The following INPP5J variants were observed in gnomAD, a reference collection of about 807,000 sequenced individuals.
INPP5J encodes the protein phosphatidylinositol 4,5-bisphosphate 5-phosphatase A.
Under a neutral mutation model 86.6 loss-of-function variants are expected in INPP5J, and 75 were observed. The observed-to-expected ratio is 0.87, with a 90% confidence interval of 0.72 to 1.05. The LOEUF is 1.05. INPP5J is among the 50% of genes least tolerant of loss of function. INPP5J has a pLI of 0.00. For missense variants in INPP5J, 1,229 were observed against 1,341.2 expected, an observed-to-expected ratio of 0.92 and a Z score of 1.31; for synonymous variants, 540 against 550.0, an observed-to-expected ratio of 0.98 and a Z score of 0.25.
chr22:31,126,462 G>A lies in INPP5J; in HGVS notation c.1358G>A (p.Ser453Asn). Reference protein sequence around the residue: ...SLLHLGGGDDSDGADMIAIGL... With the variant: ...SLLHLGGGDDNDGADMIAIGL... ...CTCCACCTGGGCGGTGGTGACGACAGCGACGGCGCAGACATGATCGCCATA... is the reference window on the plus strand; with the variant it reads ...CTCCACCTGGGCGGTGGTGACGACAACGACGGCGCAGACATGATCGCCATA... Residue 453 changes from serine to asparagine, a missense_variant, in exon 3 of 13, where the codon AGC becomes AAC. Transcript: ENST00000331075. The A allele has an allele frequency of 1.9e-6, 3 of 1,613,756 alleles. No individual in the cohort carries two copies. Among genetic ancestry groups the A allele is most frequent in the Non-Finnish European group, 2.5e-6 (3 of 1,179,826 alleles).
Position 31,127,004 on chromosome 22 carries a change from C to T in INPP5J, c.1578C>T (p.Thr526=), listed in dbSNP as rs760494303. ...YHLPFLRDVQ[T]DCTRTGLGGY... is the part of the protein sequence containing the mutation. ...TGCCCTTCCTGCGAGACGTGCAGAC[C>T]GACTGCACGCGCACTGGCCTGGGCG... Residue 526 remains threonine (T), a synonymous_variant, in exon 5 of 13, where the codon ACC becomes ACT. Transcript: ENST00000331075. 8.2e-5 allele frequency: 132 copies of T among 1,606,352 alleles called. 1 individual carries two copies. The highest frequency in any genetic ancestry group is 1.6e-4 in the Middle Eastern group (1 of 6,074).
chr22:31,125,295 A>G lies in INPP5J; in HGVS notation c.556A>G (p.Ser186Gly). 1 of 1,550,546 alleles carries G rather than the reference A, an allele frequency of 6.4e-7. No individual in the cohort carries two copies. Among genetic ancestry groups the G allele is most frequent in the Non-Finnish European group, 8.7e-7 (1 of 1,146,982 alleles). ...PKPTLAASGL[S>G]LALASEEQPP... Reference sequence around the variant, plus strand: ...GCCAACACTGGCAGCCTCTGGCCTGAGCCTGGCCCTGGCTTCTGAGGAGCA... The same window carrying G: ...GCCAACACTGGCAGCCTCTGGCCTGGGCCTGGCCCTGGCTTCTGAGGAGCA... Residue 186 changes from serine (S) to glycine (G), a missense_variant, in exon 2 of 13, where the codon AGC (serine) becomes GGC (glycine). By Grantham distance (56) the Ser-to-Gly change is moderately conservative. Transcript: ENST00000331075.
Position 31,126,642 on chromosome 22 carries a change from A to AGCG in INPP5J, c.1416_1418dup (p.Arg473dup), listed in dbSNP as rs1256084731. 1 of 1,613,882 alleles carries AGCG rather than the reference A, an allele frequency of 6.2e-7. No homozygotes were observed. The highest frequency in any genetic ancestry group is 1.7e-5 in the Admixed American group (1 of 60,016). ...CAGGAAGTGAACTCCATGCTCAACA[A>AGCG]GCGACTCAAGGACGCCCTCTTCACG... On this transcript the variant is annotated inframe_insertion, in exon 4 of 13. Transcript: ENST00000331075.
rs1376537115 is a variant in INPP5J at position 31,125,844 on chromosome 22, G to T, written c.1105G>T (p.Ala369Ser). 1.5e-5 allele frequency: 24 copies of T among 1,609,244 alleles called. No homozygotes were observed. Among genetic ancestry groups the T allele is most frequent in the Non-Finnish European group, 2.0e-5 (23 of 1,177,552 alleles). The change falls in exon 2 of 13, where the codon GCC (alanine) becomes TCC (serine). Residue 369 changes from alanine to serine, a missense_variant. Physicochemically the swap from Ala to Ser is moderately conservative, Grantham distance 99 (BLOSUM62 1). Transcript: ENST00000331075. ...SPCVPPAPDM[A>S]LPRLGTQSTG... is the part of the protein sequence containing the mutation. ...CTGTGTTCCCCCAGCCCCTGACATG[G>T]CCCTCCCAAGGCTTGGCACACAGAG...
At chr22:31,128,144 GC>G in intron 7 of INPP5J, 69 bp from the exon 8 acceptor site, 1 of 1,437,860 alleles carries the variant, frequency 7.0e-7, no homozygotes, top group Non-Finnish European at 9.7e-7. Context: ...GTCCTCACCT[GC>G]CCCACCCCCT....
At chr22:31,129,088 C>G (rs1483548564) in intron 9 of INPP5J, among the ~76,000 whole-genome samples, 1 of 151,164 alleles carries the variant, frequency 6.6e-6, no homozygotes, top group African/African-American at 2.4e-5. Context: ...CCCGCCACCA[C>G]GCCAGGCTAA....
intron 1 of INPP5J, 83 bp downstream of exon 1, chr22:31,123,202 G>T: frequency 1.2e-6 from 1 of 848,818 alleles, no homozygotes; most frequent in Non-Finnish European, 1.7e-6. Context: ...CAGGCTCCCT[G>T]GTGCTCCTGA....
upstream of INPP5J, chr22:31,122,765 AG>A: frequency 4.7e-6 from 2 of 426,274 alleles, no homozygotes; most frequent in Non-Finnish European, 8.2e-6. Context: ...TCCTGCTGCC[AG>A]TTGGGACCTG....
chr22:31,134,133 G>T lies in INPP5J; in HGVS notation c.2735G>T (p.Ser912Ile), dbSNP rs1216853013. 6.4e-7 allele frequency: 1 copy of T among 1,550,398 alleles called. No individual in the cohort carries two copies. Among genetic ancestry groups the T allele is most frequent in the Admixed American group, 2.0e-5 (1 of 51,014 alleles). Reference sequence around the variant, plus strand: ...CGTGAACGCCGTGGTGCCAGCCGTAGCCCCTCACCCCAGAGCCGCCGCCTG... The same window carrying T: ...CGTGAACGCCGTGGTGCCAGCCGTATCCCCTCACCCCAGAGCCGCCGCCTG... ...SSRERRGASRSPSPQSRRLSR... is the reference protein window; with the variant it reads ...SSRERRGASRIPSPQSRRLSR... Residue 912 changes from serine (S) to isoleucine (I), a missense_variant, in exon 13 of 13, where the codon AGC (serine) becomes ATC (isoleucine). Ser to Ile is a moderately radical substitution (Grantham distance 142, BLOSUM62 -2). Coordinates refer to ENST00000331075, the MANE Select transcript of INPP5J (RefSeq NM_001284285.2).
rs1326785568 is a variant in INPP5J, at chr22:31,125,016, G to A, written c.277G>A (p.Glu93Lys). 6.4e-7 allele frequency: 1 copy of A among 1,561,910 alleles called. No individual in the cohort carries two copies. The highest frequency in any genetic ancestry group is 2.4e-5 in the East Asian group (1 of 41,526). ...RPILAPLCTP[E>K]GQKTATAHRS... ...AATCCTGGCTCCACTGTGTACCCCT[G>A]AAGGGCAGAAAACAGCTACTGCCCA... Residue 93 changes from glutamate to lysine, a missense_variant, in exon 2 of 13, where the codon GAA (glutamate) becomes AAA (lysine). Coordinates refer to ENST00000331075, the MANE Select transcript of INPP5J (RefSeq NM_001284285.2).
chr22:31,132,853 G>T (rs1423308728), intron 9 of INPP5J, among the ~76,000 whole-genome samples: 3 of 152,182 alleles, frequency 2.0e-5, no homozygotes, highest in Admixed American at 1.3e-4. Flanking sequence ...CCAAATCCAG[G>T]ATTTGCTAGC....
chr22:31,124,006 G>A (rs1443127926), intron 1 of INPP5J: 2 of 152,296 alleles, frequency 1.3e-5, no homozygotes, highest in African/African-American at 2.4e-5. Flanking sequence ...TTCACACTTG[G>A]TGAGGATGGA....
rs1017493389 is a variant in INPP5J at position 31,127,700 on chromosome 22, G to A, written c.1787+168G>A. ...AGAGAGCAGTTGGATGGGGAGGGGC[G>A]GAGCTTGTAGGGTGGAGCTTTGCTG... On this transcript the variant is annotated intron_variant, in intron 6 of 12. Transcript: ENST00000331075. 91 of 771,538 alleles carry A rather than the reference G, an allele frequency of 1.2e-4. 1 individual carries two copies. Among genetic ancestry groups the A allele is most frequent in the Middle Eastern group, 3.9e-4 (1 of 2,586 alleles). 47.8% of individuals were successfully genotyped at this position (771,538 alleles called of 1,614,324 possible).
chr22:31,129,527 A>G (rs951549039), intron 9 of INPP5J, among the ~76,000 whole-genome samples: 1 of 128,662 alleles, frequency 7.8e-6, no homozygotes, highest in East Asian at 2.3e-4. Context: ...GGCATGAGCC[A>G]CTGTGCCCGG....
Position 31,130,064 on chromosome 22 carries a change from G to A in INPP5J, c.2193+1410G>A, listed in dbSNP as rs564513520. On this transcript the variant is annotated intron_variant, in intron 9 of 12. Transcript: ENST00000331075. ...CTTTAAAAAAAATCAAAAAAAGGCC[G>A]AGCGCAGTGGCTCACGCCTGTAATC... 9.2e-5 allele frequency among the ~76,000 whole-genome samples: 14 copies of A among 151,908 alleles called. No individual in the cohort carries two copies. In the Middle Eastern group the frequency reaches 0.01, roughly 111 times the overall value.
At chr22:31,127,584 G>GT in intron 6 of INPP5J, 52 bp downstream of exon 6, 1 of 1,544,890 alleles carries the variant, frequency 6.5e-7, no homozygotes, top group Non-Finnish European at 8.8e-7. Context: ...AGTGATGGGG[G>GT]TTTTTGTACC....
At chr22:31,130,576 A>G (rs1921979574) in intron 9 of INPP5J, among the ~76,000 whole-genome samples, 1 of 152,158 alleles carries the variant, frequency 6.6e-6, no homozygotes, top group African/African-American at 2.4e-5. Flanking sequence ...AAAAATAACA[A>G]AGAAAAGATA....
At chr22:31,133,742 G>A (rs1477534923) in intron 12 of INPP5J, 28 bp downstream of exon 12, 1 of 1,588,754 alleles carries the variant, frequency 6.3e-7, no homozygotes, top group South Asian at 1.1e-5. Flanking sequence ...CTGGGCTGGG[G>A]GTGCCTAAAG....
In INPP5J at chr22:31,126,666, C is replaced by G; in HGVS notation, c.1439C>G (p.Thr480Arg). 6.2e-7 allele frequency: 1 copy of G among 1,613,992 alleles called. No homozygotes were observed. Among genetic ancestry groups the G allele is most frequent in the Non-Finnish European group, 8.5e-7 (1 of 1,179,860 alleles). The change falls in exon 4 of 13, where the codon ACG (threonine) becomes AGG (arginine). Residue 480 changes from threonine to arginine, a missense_variant. Coordinates refer to ENST00000331075, the MANE Select transcript of INPP5J (RefSeq NM_001284285.2). Reference protein sequence around the residue: ...LNKRLKDALFTDQWSELFMDA... With the variant: ...LNKRLKDALFRDQWSELFMDA... ...AAGCGACTCAAGGACGCCCTCTTCA[C>G]GGACCAGTGGAGTGAGCTGTTCATG...
Sources: gnomAD v4.1 joint callset for allele counts (sites outside exome capture counted in the v4.1 genomes callset) on GRCh38, gnomAD v4.1.1 for gene constraint, MANE v1.5 for transcripts, NCBI Gene and HGNC (gene_info 2026-07-23, HGNC 2026-07-21) for gene names.